The following CACNA2D3 variants were observed in gnomAD, a reference collection of about 807,000 sequenced individuals.
CACNA2D3 encodes the protein calcium voltage-gated channel auxiliary subunit alpha2delta 3, also known as voltage-dependent calcium channel subunit alpha-2/delta-3.
Under a neutral mutation model 160.6 loss-of-function variants are expected in CACNA2D3, and 60 were observed. The observed-to-expected ratio is 0.37, with a 90% CI of 0.30 to 0.46. The LOEUF is 0.46. CACNA2D3 is among the 20% of genes least tolerant of loss of function. The pLI is 1.00. For missense variants in CACNA2D3, 1,205 were observed against 1,365.0 expected (o/e 0.88, Z 1.85); for synonymous variants, 558 against 492.9 (o/e 1.13, Z -1.75).
At chr3:55,029,856 C>G (rs577119210) in intron 35 of CACNA2D3, among the ~76,000 whole-genome samples, 51 of 152,290 alleles carry the variant, frequency 3.3e-4, no homozygotes, top group African/African-American at 1.2e-3. Flanking sequence ...ATTTTTGTAT[C>G]TCCTGCTCTA....
Position 54,859,978 on chromosome 3 carries a change from A to G in CACNA2D3, c.1627-11561A>G, listed in dbSNP as rs976012218. ...CATCATCTGGAAAGTAGATGCACAC[A>G]CACACACACACACACACACACACAC... On this transcript the variant is annotated intron_variant, in intron 17 of 37. Transcript: ENST00000474759. Among the ~76,000 whole-genome samples the G allele has an allele frequency of 4.9e-3, 666 of 136,464 alleles. 2 individuals carry two copies. The highest frequency in any genetic ancestry group is 0.019 in the African/African-American group (549 of 29,382). The allele number at this position is 136,464 out of a possible 152,430, so 89.5% of individuals were successfully genotyped here. A position where few individuals can be genotyped will look rare whatever the true frequency, so the allele number is the denominator to read the frequency against.
At chr3:54,401,991 A>G (rs1454928921) in intron 4 of CACNA2D3, among the ~76,000 whole-genome samples, 1 of 152,190 alleles carries the variant, frequency 6.6e-6, no homozygotes. Context: ...CAAAAATATA[A>G]ATTGTTGGGA....
intron 9 of CACNA2D3, among the ~76,000 whole-genome samples, chr3:54,617,857 G>A (rs1193087530): frequency 6.6e-6 from 1 of 152,058 alleles, no homozygotes; most frequent in Non-Finnish European, 1.5e-5. Flanking sequence ...GCCACCACTG[G>A]GTCCCCTGTC....
chr3:54,535,526 T>C (rs763405843), intron 5 of CACNA2D3, among the ~76,000 whole-genome samples: 2 of 152,242 alleles, frequency 1.3e-5, no homozygotes, highest in Non-Finnish European at 2.9e-5. Flanking sequence ...GGTTAAAATA[T>C]GACTTCTATT....
intron 4 of CACNA2D3, among the ~76,000 whole-genome samples, chr3:54,466,260 T>C (rs1164760465): frequency 1.3e-5 from 2 of 152,120 alleles, no homozygotes; most frequent in Non-Finnish European, 2.9e-5. Context: ...CCACAGTGAG[T>C]GTTGTATAAA....
chr3:54,913,724 T>C (rs886174161), intron 27 of CACNA2D3, among the ~76,000 whole-genome samples: 3 of 152,136 alleles, frequency 2.0e-5, no homozygotes, highest in African/African-American at 7.2e-5. Context: ...TAACTCTGAC[T>C]TCTTCGAACC....
intron 2 of CACNA2D3, among the ~76,000 whole-genome samples, chr3:54,199,466 C>G (rs552733039): frequency 6.6e-6 from 1 of 152,120 alleles, no homozygotes; most frequent in Non-Finnish European, 1.5e-5. Context: ...CAGGCTCAAG[C>G]GATCCCCAGC....
At chr3:54,227,543 T>C (rs1005204417) in intron 2 of CACNA2D3, among the ~76,000 whole-genome samples, 6 of 144,368 alleles carry the variant, frequency 4.2e-5, no homozygotes, top group Non-Finnish European at 9.1e-5. Context: ...TTTCAGCTAT[T>C]GTCCATGGCT....
At chr3:54,617,397 C>T (rs1404459268) in intron 9 of CACNA2D3, among the ~76,000 whole-genome samples, 3 of 152,132 alleles carry the variant, frequency 2.0e-5, no homozygotes, top group South Asian at 2.1e-4. Flanking sequence ...TTCTCCCCAC[C>T]ACACCCTCAA....
At chr3:54,150,191 T>C (rs1011631178) in intron 2 of CACNA2D3, among the ~76,000 whole-genome samples, 1 of 151,726 alleles carries the variant, frequency 6.6e-6, no homozygotes, top group African/African-American at 2.4e-5. Context: ...ATAAAAAAGA[T>C]GAAAAACCCC....
intron 11 of CACNA2D3, among the ~76,000 whole-genome samples, chr3:54,711,710 A>G (rs1212140343): frequency 1.3e-5 from 2 of 152,170 alleles, no homozygotes; most frequent in Non-Finnish European, 2.9e-5. Flanking sequence ...TATCTGGACA[A>G]AGTTGGGACT....
chr3:54,760,274 A>C (rs1702058447), intron 12 of CACNA2D3, among the ~76,000 whole-genome samples: 1 of 152,080 alleles, frequency 6.6e-6, no homozygotes, highest in Non-Finnish European at 1.5e-5. Context: ...ACAAAAAGGA[A>C]CCAAACATGG....
At chr3:54,483,313 G>A (rs984899946) in intron 4 of CACNA2D3, among the ~76,000 whole-genome samples, 1 of 152,074 alleles carries the variant, frequency 6.6e-6, no homozygotes, top group African/African-American at 2.4e-5. Flanking sequence ...GACCCTAAAG[G>A]CTTCTAAAGC....
At chr3:54,144,530 T>C (rs891812022) in intron 2 of CACNA2D3, among the ~76,000 whole-genome samples, 2 of 152,260 alleles carry the variant, frequency 1.3e-5, no homozygotes, top group East Asian at 1.9e-4. Context: ...GCTCTGTGTC[T>C]GACACAGGCT....
intron 3 of CACNA2D3, among the ~76,000 whole-genome samples, chr3:54,358,853 A>G (rs975801393): frequency 6.6e-6 from 1 of 152,226 alleles, no homozygotes; most frequent in Non-Finnish European, 1.5e-5. Context: ...AGGATAATTA[A>G]TTTTAATGGT....
chr3:54,484,154 T>G (rs1296223261), intron 4 of CACNA2D3, among the ~76,000 whole-genome samples: 1 of 152,238 alleles, frequency 6.6e-6, no homozygotes, highest in Non-Finnish European at 1.5e-5. Context: ...CATATCACCC[T>G]TAATGTAACT....
intron 35 of CACNA2D3, among the ~76,000 whole-genome samples, chr3:55,052,972 T>C (rs193071691): frequency 1.3e-5 from 2 of 152,256 alleles, no homozygotes; most frequent in East Asian, 3.9e-4. Flanking sequence ...TTGGGCCATT[T>C]ATTTTTTTTA....
chr3:54,736,232 G>T (rs1701529373), intron 11 of CACNA2D3, among the ~76,000 whole-genome samples: 2 of 150,120 alleles, frequency 1.3e-5, no homozygotes. Context: ...ATTTAGTGAT[G>T]TCTTTCCAAG....
At chr3:54,810,525 C>G (rs548992104) in intron 13 of CACNA2D3, among the ~76,000 whole-genome samples, 2 of 152,156 alleles carry the variant, frequency 1.3e-5, no homozygotes, top group Non-Finnish European at 2.9e-5. Context: ...AAAATGAACA[C>G]ACAGAACCTC....
Sources: allele counts gnomAD v4.1 joint callset (sites outside exome capture counted in the v4.1 genomes callset), GRCh38; gene constraint gnomAD v4.1.1; transcripts MANE v1.5; gene names NCBI Gene and HGNC (gene_info 2026-07-23, HGNC 2026-07-21).